Variants in UBE2D2 observed in about 807,000 individuals in gnomAD.
UBE2D2 encodes ubiquitin-conjugating enzyme E2 D2.
In UBE2D2, 2 loss-of-function variants were observed where a neutral mutation model predicts 24.2. The observed-to-expected ratio is 0.08, with a 90% CI of 0.03 to 0.26. The LOEUF (loss-of-function observed/expected upper bound fraction) is 0.26. Among genes scored for constraint, UBE2D2 ranks in the 10% least tolerant of loss-of-function variants. The pLI is 1.00. For synonymous variants in UBE2D2, 58 were observed against 56.5 expected (o/e 1.03, Z -0.12); for missense variants, 44 against 177.6 (o/e 0.25, Z 4.28).
chr5:139,534,799 G>C (rs571242928), intron 1 of UBE2D2, among the ~76,000 whole-genome samples: 1 of 152,000 alleles, frequency 6.6e-6, no homozygotes, highest in Non-Finnish European at 1.5e-5. Context: ...ACAAACATTT[G>C]TACAATAATA....
At chr5:139,537,199 C>A (rs868665509) in intron 1 of UBE2D2, among the ~76,000 whole-genome samples, 60 of 147,800 alleles carry the variant, frequency 4.1e-4, no homozygotes, top group Middle Eastern at 3.5e-3. Context: ...AAAAAAAAAA[C>A]AACAAAAAGT....
Position 139,601,479 on chromosome 5 carries a change from A to G in UBE2D2, c.88+1044A>G, listed in dbSNP as rs1754073366. On this transcript the variant is annotated intron_variant, in intron 2 of 6. Transcript: ENST00000398733. The stretch of plus-strand genomic sequence containing the variant: ...AAAAATTAGCCGGGTATGTTGGTGC[A>G]TGCTGGTAGTCCGAGCTACTTGGAA... Among the ~76,000 whole-genome samples the G allele has an allele frequency of 2.0e-5, 3 of 152,160 alleles. No individual in the cohort carries two copies. The South Asian group carries it at 6.2e-4, about 31-fold the overall frequency.
chr5:139,573,744 C>T (rs1227809113), intron 1 of UBE2D2, among the ~76,000 whole-genome samples: 3 of 151,900 alleles, frequency 2.0e-5, no homozygotes, highest in Admixed American at 6.6e-5. Context: ...CTGAGGCGGG[C>T]GAATCACGAG....
chr5:139,534,732 G>A (rs886416968), intron 1 of UBE2D2, among the ~76,000 whole-genome samples: 3 of 151,174 alleles, frequency 2.0e-5, no homozygotes, highest in Admixed American at 6.6e-5. Flanking sequence ...GTGAAACTCT[G>A]TCTCAAAAAA....
chr5:139,562,191 G>A, intron 1 of UBE2D2: 1 of 1,379,644 alleles, frequency 7.2e-7, no homozygotes. Context: ...TTCGACAGAG[G>A]TCGAAAGGGC....
At chr5:139,566,265 C>T (rs558405544) in intron 1 of UBE2D2, among the ~76,000 whole-genome samples, 4 of 152,192 alleles carry the variant, frequency 2.6e-5, no homozygotes, top group Non-Finnish European at 4.4e-5. Context: ...GAGATCCGTC[C>T]GTCTCGGCCT....
At chr5:139,571,365 C>A (rs1466308244) in intron 1 of UBE2D2, among the ~76,000 whole-genome samples, 1 of 150,864 alleles carries the variant, frequency 6.6e-6, no homozygotes, top group Non-Finnish European at 1.5e-5. Flanking sequence ...CGAGGTCGTG[C>A]CACTGTACTC....
At chr5:139,625,440 C>CCCCCTT (rs1390321656) in intron 6 of UBE2D2, among the ~76,000 whole-genome samples, 1 of 5,268 alleles carries the variant, frequency 1.9e-4, no homozygotes, top group African/African-American at 9.7e-4. Flanking sequence ...ACCCCCCCCC[C>CCCCCTT]TTTTTTTTTT....
chr5:139,586,418 C>G (rs1342128372), intron 1 of UBE2D2, among the ~76,000 whole-genome samples: 2 of 152,120 alleles, frequency 1.3e-5, no homozygotes, highest in Non-Finnish European at 2.9e-5. Flanking sequence ...CCCTCCACCC[C>G]CTCTTCAAGT....
At chr5:139,591,459 T>G (rs1336511010) in intron 1 of UBE2D2, among the ~76,000 whole-genome samples, 1 of 152,170 alleles carries the variant, frequency 6.6e-6, no homozygotes, top group Non-Finnish European at 1.5e-5. Context: ...GCTTTGAATC[T>G]TTTTAGAGGG....
chr5:139,609,143 G>C (rs1435891491), intron 2 of UBE2D2, among the ~76,000 whole-genome samples: 4 of 152,158 alleles, frequency 2.6e-5, no homozygotes, highest in African/African-American at 7.2e-5. Flanking sequence ...TCTGGTAGTA[G>C]TATTAGCAGG....
At position 139,533,408 on chromosome 5, in the gene UBE2D2, T is replaced by C. The variant is rs557029774; in HGVS notation, c.-64+6796T>C. Among the ~76,000 whole-genome samples, 10 of 152,154 alleles carry C rather than the reference T, an allele frequency of 6.6e-5. No individual in the cohort carries two copies. The South Asian group carries it at 1.7e-3, about 25-fold the overall frequency. On this transcript the variant is annotated intron_variant, in intron 1 of 6. Coordinates refer to the UBE2D2 transcript ENST00000511725. ...GCTCACGCCTGTAATCCCCAACACT[T>C]TGGGAGGCCAAGGCAGGTGTATCAC...
At chr5:139,566,233 G>C (rs1753213519) in intron 1 of UBE2D2, among the ~76,000 whole-genome samples, 1 of 151,938 alleles carries the variant, frequency 6.6e-6, no homozygotes. Flanking sequence ...TGGCCAGGCT[G>C]GTCTTGAACT....
At chr5:139,605,618 A>G (rs1754181696) in intron 2 of UBE2D2, among the ~76,000 whole-genome samples, 1 of 150,572 alleles carries the variant, frequency 6.6e-6, no homozygotes, top group Non-Finnish European at 1.5e-5. Flanking sequence ...AAAAAAAGAA[A>G]AGAAAGAAAC....
At chr5:139,552,509 C>CTTTTTTTT (rs35945797) in intron 1 of UBE2D2, among the ~76,000 whole-genome samples, 4 of 124,214 alleles carry the variant, frequency 3.2e-5, no homozygotes, top group Non-Finnish European at 4.9e-5. Flanking sequence ...TTTCTTTTTT[C>CTTTTTTTT]TTTTTTTTTT....
chr5:139,531,099 G>C (rs1457374604), intron 1 of UBE2D2, among the ~76,000 whole-genome samples: 2 of 152,170 alleles, frequency 1.3e-5, no homozygotes, highest in Admixed American at 6.5e-5. Context: ...AGGGAAGAGA[G>C]AGACCCTCTC....
chr5:139,528,155 AG>A (rs1752561310), intron 1 of UBE2D2, among the ~76,000 whole-genome samples: 2 of 152,224 alleles, frequency 1.3e-5, no homozygotes, highest in South Asian at 4.1e-4. Context: ...GGAGACCTGA[AG>A]GGATGCAGTG....
upstream of UBE2D2, among the ~76,000 whole-genome samples, chr5:139,560,160 A>G (rs1219940381): frequency 6.9e-6 from 1 of 145,296 alleles, no homozygotes; most frequent in Non-Finnish European, 1.5e-5. Flanking sequence ...CAGCCTCCCC[A>G]GTAGCTGGGT....
At chr5:139,562,199 G>C in intron 1 of UBE2D2, 1 of 1,380,276 alleles carries the variant, frequency 7.2e-7, no homozygotes, top group Admixed American at 2.0e-5. Flanking sequence ...AGGTCGAAAG[G>C]GCTTCTCGCC....
Sources: allele counts gnomAD v4.1 joint callset (sites outside exome capture counted in the v4.1 genomes callset), GRCh38; gene constraint gnomAD v4.1.1; transcripts MANE v1.5; gene names NCBI Gene and HGNC (gene_info 2026-07-23, HGNC 2026-07-21).